UNC5A: variants seen among roughly 807,000 people sequenced by gnomAD.
UNC5A encodes unc-5 netrin receptor A.
In UNC5A, 20 loss-of-function variants were observed where a neutral mutation model predicts 87.4. The observed-to-expected ratio is 0.23, with a 90% confidence interval of 0.16 to 0.33. The LOEUF (loss-of-function observed/expected upper bound fraction) is 0.33. Ranked by LOEUF, UNC5A falls within the 10% of genes least tolerant of loss-of-function variation. UNC5A has a pLI of 1.00. For missense variants in UNC5A, 844 were observed against 1,133.4 expected (o/e 0.74, Z 3.67); for synonymous variants, 438 against 482.3 (o/e 0.91, Z 1.20).
intron 1 of UNC5A, among the ~76,000 whole-genome samples, chr5:176,835,041 G>A (rs1327611241): frequency 1.3e-5 from 2 of 152,264 alleles, no homozygotes; most frequent in Admixed American, 6.5e-5. Flanking sequence ...CAAGCTCCAT[G>A]AAAGCATTCA....
chr5:176,823,133 AG>A (rs762658354), intron 1 of UNC5A, among the ~76,000 whole-genome samples: 19 of 121,988 alleles, frequency 1.6e-4, no homozygotes, highest in South Asian at 2.9e-4. Context: ...TGGATGTGGG[AG>A]ACGCTGCAAA....
intron 1 of UNC5A, among the ~76,000 whole-genome samples, chr5:176,854,302 G>A (rs1435246809): frequency 1.3e-5 from 2 of 148,710 alleles, no homozygotes; most frequent in African/African-American, 5.2e-5. Context: ...GTCTCTCTCT[G>A]TCTCTCTAAC....
At chr5:176,873,646 T>C (rs551952643) in intron 6 of UNC5A, among the ~76,000 whole-genome samples, 1 of 152,048 alleles carries the variant, frequency 6.6e-6, no homozygotes, top group African/African-American at 2.4e-5. Flanking sequence ...AGGCAGCAGG[T>C]TCAACCTAGC....
Position 176,844,481 on chromosome 5 carries a change from G to A in UNC5A, c.71-18143G>A, listed in dbSNP as rs572175649. 1.3e-5 allele frequency among the ~76,000 whole-genome samples: 2 copies of A among 152,178 alleles called. No individual in the cohort carries two copies. The highest frequency in any genetic ancestry group is 2.9e-5 in the Non-Finnish European group (2 of 68,014). ...CGAGAAGGGACACGGGATGATATGA[G>A]CTGGCCGTGGGCGCCCACTGCATAC... On this transcript the variant is annotated intron_variant, in intron 1 of 14. Coordinates refer to ENST00000329542, the MANE Select transcript of UNC5A (RefSeq NM_133369.3). This position sits in a 1 kb window ranked among gnomAD's most constrained non-coding sequence, Gnocchi z 4.2.
At position 176,878,642 on chromosome 5, in the gene UNC5A, G is replaced by A; in HGVS notation, c.2184+3G>A. 2 of 1,608,702 alleles carry A rather than the reference G, an allele frequency of 1.2e-6. No individual in the cohort carries two copies. The highest frequency in any genetic ancestry group is 1.7e-6 in the Non-Finnish European group (2 of 1,176,926). On this transcript the variant is annotated splice_donor_region_variant and intron_variant, in intron 13 of 14. Transcript: ENST00000329542. ...GCATCAACTTCAACATCACCAAGGT[G>A]GACGGGAGGGGCTGCCGCACCGCCG...
At chr5:176,849,951 G>A (rs1261662810) in intron 1 of UNC5A, among the ~76,000 whole-genome samples, 1 of 152,244 alleles carries the variant, frequency 6.6e-6, no homozygotes, top group Non-Finnish European at 1.5e-5. Flanking sequence ...CGACTTGCCA[G>A]CCCCTGAGCT....
chr5:176,845,556 G>C (rs951238428), intron 1 of UNC5A, among the ~76,000 whole-genome samples: 5 of 152,236 alleles, frequency 3.3e-5, no homozygotes, highest in Non-Finnish European at 7.3e-5. Context: ...CCCAGGGCTT[G>C]GGGCCTGGCA....
intron 1 of UNC5A, among the ~76,000 whole-genome samples, chr5:176,816,910 T>A (rs1378619084): frequency 3.9e-5 from 6 of 152,174 alleles, no homozygotes; most frequent in Non-Finnish European, 8.8e-5. Context: ...AGCTTCCCAT[T>A]CTGGGCTGGG....
At chr5:176,837,170 G>A (rs997896536) in intron 1 of UNC5A, among the ~76,000 whole-genome samples, 3 of 151,962 alleles carry the variant, frequency 2.0e-5, no homozygotes, top group Admixed American at 2.0e-4. Flanking sequence ...ATGCTGTGGA[G>A]TTCCCCAGCC....
intron 1 of UNC5A, among the ~76,000 whole-genome samples, chr5:176,825,410 G>C (rs761145508): frequency 6.6e-6 from 1 of 152,198 alleles, no homozygotes; most frequent in African/African-American, 2.4e-5. Flanking sequence ...TGGAGGACAC[G>C]CTGGGAGGAG....
In UNC5A at chr5:176,828,383, G is replaced by A. The variant is rs944055098; in HGVS notation, c.70+17563G>A. Among the ~76,000 whole-genome samples, 8 of 152,144 alleles carry A rather than the reference G, an allele frequency of 5.3e-5. No individual in the cohort carries two copies. The East Asian group carries it at 1.5e-3, about 29-fold the overall frequency. On this transcript the variant is annotated intron_variant, in intron 1 of 14. Coordinates refer to ENST00000329542, the MANE Select transcript of UNC5A (RefSeq NM_133369.3). The stretch of plus-strand genomic sequence containing the variant: ...GATGTCACTCATGGCATCAGTGTGG[G>A]GAGTCACCACTCCACACCCACCTGT...
intron 1 of UNC5A, among the ~76,000 whole-genome samples, chr5:176,825,701 G>A (rs1007847452): frequency 1.3e-5 from 2 of 152,184 alleles, no homozygotes; most frequent in Non-Finnish European, 2.9e-5. Context: ...ACATCCCACA[G>A]CTACCATGGC....
chr5:176,879,655 C>G, intron 14 of UNC5A, 66 bp from the exon 15 acceptor site: 1 of 1,587,532 alleles, frequency 6.3e-7, no homozygotes, highest in Non-Finnish European at 8.6e-7. Context: ...TGGGGTGGGC[C>G]AGGGGGGGCA....
At chr5:176,878,150 C>G (rs139180356) in intron 11 of UNC5A, 23 bp downstream of exon 11, 11 of 1,604,142 alleles carry the variant, frequency 6.9e-6, no homozygotes, top group South Asian at 1.1e-5. Flanking sequence ...CCTCACCCCC[C>G]GCCGCTGGGA....
intron 6 of UNC5A, among the ~76,000 whole-genome samples, chr5:176,873,755 T>C (rs1165200569): frequency 6.6e-6 from 1 of 152,200 alleles, no homozygotes; most frequent in East Asian, 1.9e-4. Context: ...ACGAGGAATG[T>C]GATTTGCTCA....
rs1267007442 is a variant in UNC5A at position 176,844,325 on chromosome 5, T to C, written c.71-18299T>C. Among the ~76,000 whole-genome samples, 1 of 152,112 alleles carries C rather than the reference T, an allele frequency of 6.6e-6. No homozygotes were observed. Among genetic ancestry groups the C allele is most frequent in the African/African-American group, 2.4e-5 (1 of 41,428 alleles). Reference sequence around the variant, plus strand: ...GGCACAGCTGAGGAAGCCCCACCGCTGGAGTCCCAGGGTGGAGGTGGGCCC... The same window carrying C: ...GGCACAGCTGAGGAAGCCCCACCGCCGGAGTCCCAGGGTGGAGGTGGGCCC... On this transcript the variant is annotated intron_variant, in intron 1 of 14. Transcript: ENST00000329542. The surrounding 1 kb of genome is among the most constrained non-coding windows in gnomAD (Gnocchi z 4.2).
Position 176,864,739 on chromosome 5 carries a change from C to T in UNC5A, c.292+1894C>T. On this transcript the variant is annotated intron_variant, in intron 2 of 14. Transcript: ENST00000329542. ...TCTTCAGGTGTTCGCTGAGCACCTG[C>T]TCTGTGCCATGCCTTGGGTTAGGTA... 3 of 438,896 alleles carry T rather than the reference C, an allele frequency of 6.8e-6. No individual in the cohort carries two copies. The Admixed American group carries it at 7.3e-5, about 11-fold the overall frequency. The allele number at this position is 438,896 out of a possible 1,614,324, so 27.2% of individuals were successfully genotyped here.
At chr5:176,876,161 G>T (rs780898681) in intron 8 of UNC5A, among the ~76,000 whole-genome samples, 1 of 152,250 alleles carries the variant, frequency 6.6e-6, no homozygotes, top group Non-Finnish European at 1.5e-5. Context: ...AGGAGTTGAT[G>T]AATGAGGATG....
rs1033964940 is a variant in UNC5A, at chr5:176,880,824, C to G, written c.*938C>G. On this transcript the variant is annotated 3_prime_UTR_variant, in exon 15 of 15. Coordinates refer to ENST00000329542, the MANE Select transcript of UNC5A (RefSeq NM_133369.3). ...CTTACTCTTGGCCTTATGTACACAG[C>G]CTTGCCCGGCCGCCGGGGCACATAG... is the stretch of plus-strand genomic sequence containing the variant. The G allele has an allele frequency of 2.2e-4, 94 of 420,612 alleles. No homozygotes were observed. Among genetic ancestry groups the G allele is most frequent in the Admixed American group, 1.9e-3 (45 of 24,252 alleles). 26.1% of individuals were successfully genotyped at this position (420,612 alleles called of 1,614,324 possible).
Sources: gnomAD v4.1 joint callset for allele counts (sites outside exome capture counted in the v4.1 genomes callset) on GRCh38, gnomAD v4.1.1 for gene constraint, Gnocchi (gnomAD v3.1) non-coding constraint, MANE v1.5 for transcripts, NCBI Gene and HGNC (gene_info 2026-07-23, HGNC 2026-07-21) for gene names.